The following FAM168A variants were observed in gnomAD, a reference collection of about 807,000 sequenced individuals.
The protein encoded by FAM168A is protein FAM168A.
FAM168A carries 3 observed loss-of-function variants against 28.5 expected under a neutral mutation model. That is an observed-to-expected ratio of 0.11 (90% CI 0.05 to 0.27). The LOEUF is 0.27. Ranked by LOEUF, FAM168A falls within the 10% of genes least tolerant of loss-of-function variation. The pLI, the probability that FAM168A is intolerant of heterozygous loss-of-function variation, is 1.00. For synonymous variants in FAM168A, 122 were observed against 124.2 expected (o/e 0.98, Z 0.12); for missense variants, 222 against 311.5 (o/e 0.71, Z 2.16).
chr11:73,419,861 A>G lies in FAM168A; in HGVS notation c.277+13T>C. 1 of 1,613,800 alleles carries G rather than the reference A, an allele frequency of 6.2e-7. No individual in the cohort carries two copies. The highest frequency in any genetic ancestry group is 8.5e-7 in the Non-Finnish European group (1 of 1,179,818). ...ACCAAGGGGAACAAGGAAATGAGAC[A>G]GGCTGTATTTACTGAAAGCCGCAGA... On this transcript the variant is annotated intron_variant, in intron 4 of 7. Transcript: ENST00000356467.
intron 1 of FAM168A, among the ~76,000 whole-genome samples, chr11:73,488,245 C>T (rs1868081095): frequency 6.6e-6 from 1 of 152,000 alleles, no homozygotes; most frequent in East Asian, 1.9e-4. Flanking sequence ...ATTCTCCTGT[C>T]TCAGCCTCCC....
intron 2 of FAM168A, among the ~76,000 whole-genome samples, chr11:73,457,606 T>A (rs1182285738): frequency 2.0e-5 from 3 of 150,682 alleles, no homozygotes; most frequent in African/African-American, 4.9e-5. Context: ...CCAGGTGCAG[T>A]GGCTCATGCC....
intron 1 of FAM168A, among the ~76,000 whole-genome samples, chr11:73,555,719 A>G (rs1227466991): frequency 1.3e-5 from 2 of 151,960 alleles, no homozygotes; most frequent in Non-Finnish European, 2.9e-5. Context: ...AAAAAAAAAA[A>G]AGAGAAAATG....
At chr11:73,428,491 T>A (rs1866927853) in intron 3 of FAM168A, among the ~76,000 whole-genome samples, 1 of 152,248 alleles carries the variant, frequency 6.6e-6, no homozygotes. Context: ...GATGGCCTCC[T>A]GACTAGAAAG....
intron 1 of FAM168A, among the ~76,000 whole-genome samples, chr11:73,573,351 C>T (rs1019630441): frequency 6.6e-6 from 1 of 152,298 alleles, no homozygotes; most frequent in East Asian, 1.9e-4. Context: ...TACCCTGTGT[C>T]CTAAGTTTTT....
In FAM168A at chr11:73,401,578, G is replaced by GCAAAGCTGTTACATCTGTTCTCCTTA. The variant is rs1159183421; in HGVS notation, c.*5159_*5184dup. 6.6e-6 allele frequency: 1 copy of GCAAAGCTGTTACATCTGTTCTCCTTA among 152,236 alleles called. No homozygotes were observed. Among genetic ancestry groups the GCAAAGCTGTTACATCTGTTCTCCTTA allele is most frequent in the Non-Finnish European group, 1.5e-5 (1 of 68,066 alleles). The allele number at this position is 152,236 out of a possible 1,614,324, so 9.4% of individuals were successfully genotyped here. On this transcript the variant is annotated 3_prime_UTR_variant, in exon 8 of 8. Coordinates refer to ENST00000356467, the MANE Select transcript of FAM168A (RefSeq NM_015159.3). ...TTTGATTCCTATGGGCCGGTACTTT[G>GCAAAGCTGTTACATCTGTTCTCCTTA]CAAAGCTGTTACATCTGTTCTCCTT...
intron 1 of FAM168A, among the ~76,000 whole-genome samples, chr11:73,552,880 C>A (rs969057973): frequency 1.3e-5 from 2 of 152,116 alleles, no homozygotes; most frequent in Non-Finnish European, 1.5e-5. Flanking sequence ...ACACTACAAC[C>A]CAGAAGGCAG....
chr11:73,458,762 T>C (rs561323555), intron 2 of FAM168A, among the ~76,000 whole-genome samples: 7 of 152,126 alleles, frequency 4.6e-5, no homozygotes, highest in Admixed American at 3.3e-4. Flanking sequence ...AGGTGCCTGC[T>C]ACCACGCCCG....
At chr11:73,585,403 G>A (rs556946985) in intron 1 of FAM168A, among the ~76,000 whole-genome samples, 17 of 152,280 alleles carry the variant, frequency 1.1e-4, no homozygotes, top group African/African-American at 3.9e-4. Context: ...ACAGAAAAGT[G>A]TAGTAACATA....
rs747204512 is a variant in FAM168A at position 73,437,400 on chromosome 11, C to CTTTTT, written c.71-6635_71-6631dup. On this transcript the variant is annotated intron_variant, in intron 2 of 7. Transcript: ENST00000356467. ...GTGTGAGCTACCACGCCCGGCCACT[C>CTTTTT]TTTTTTTTTTTTTTTTTTTTTGAGA... Among the ~76,000 whole-genome samples the CTTTTT allele has an allele frequency of 7.3e-4, 76 of 103,514 alleles. 1 individual carries two copies. The highest frequency in any genetic ancestry group is 9.1e-4 in the Non-Finnish European group (48 of 53,036). The allele number at this position is 103,514 out of a possible 152,430, so 67.9% of individuals were successfully genotyped here.
At chr11:73,596,665 C>A (rs1486718681) in intron 1 of FAM168A, among the ~76,000 whole-genome samples, 1 of 152,132 alleles carries the variant, frequency 6.6e-6, no homozygotes, top group African/African-American at 2.4e-5. Flanking sequence ...AGTATTCCAA[C>A]CCTTAACCCT....
At chr11:73,425,948 G>C (rs934759823) in intron 3 of FAM168A, among the ~76,000 whole-genome samples, 3 of 152,236 alleles carry the variant, frequency 2.0e-5, no homozygotes, top group Admixed American at 6.5e-5. Context: ...AGGTAAAAAT[G>C]AATGTTTGTA....
chr11:73,572,738 C>T (rs1398397594), intron 1 of FAM168A, among the ~76,000 whole-genome samples: 1 of 150,660 alleles, frequency 6.6e-6, no homozygotes, highest in Non-Finnish European at 1.5e-5. Context: ...ACAAACACTG[C>T]GGAAGGCCAC....
intron 1 of FAM168A, among the ~76,000 whole-genome samples, chr11:73,497,701 A>G (rs188168357): frequency 6.8e-4 from 104 of 152,134 alleles, no homozygotes; most frequent in African/African-American, 2.4e-3. Context: ...GAACTGAACA[A>G]TGAGAACACT....
At chr11:73,454,003 T>A (rs1867480516) in intron 2 of FAM168A, among the ~76,000 whole-genome samples, 1 of 152,218 alleles carries the variant, frequency 6.6e-6, no homozygotes, top group Non-Finnish European at 1.5e-5. Context: ...CATAGGATAC[T>A]TATGGACAGG....
At chr11:73,574,000 C>T (rs1424332040) in intron 1 of FAM168A, among the ~76,000 whole-genome samples, 2 of 151,474 alleles carry the variant, frequency 1.3e-5, no homozygotes, top group Non-Finnish European at 2.9e-5. Flanking sequence ...CGTTGCACAC[C>T]TGTGGTCCCA....
chr11:73,494,769 G>A (rs1565269824), intron 1 of FAM168A, among the ~76,000 whole-genome samples: 1 of 152,180 alleles, frequency 6.6e-6, no homozygotes, highest in Non-Finnish European at 1.5e-5. Context: ...GGAGGCCGAG[G>A]AGGGCGGATT....
At chr11:73,550,086 C>CAT (rs1458471478) in intron 1 of FAM168A, among the ~76,000 whole-genome samples, 2 of 152,146 alleles carry the variant, frequency 1.3e-5, no homozygotes, top group Admixed American at 6.5e-5. Context: ...TATGAATGAA[C>CAT]ATATCCTCAG....
chr11:73,429,279 T>G (rs779373206), intron 3 of FAM168A, among the ~76,000 whole-genome samples: 2 of 152,116 alleles, frequency 1.3e-5, no homozygotes, highest in Non-Finnish European at 2.9e-5. Flanking sequence ...CTGCCAAAGA[T>G]TCTAGTCCAT....
Sources: gnomAD v4.1 joint callset for allele counts (sites outside exome capture counted in the v4.1 genomes callset) on GRCh38, gnomAD v4.1.1 for gene constraint, MANE v1.5 for transcripts, NCBI Gene and HGNC (gene_info 2026-07-23, HGNC 2026-07-21) for gene names.